Variants in SPOCK2 observed in about 807,000 individuals in gnomAD.
The protein encoded by SPOCK2 is testican-2.
A neutral mutation model predicts 60.1 loss-of-function variants in SPOCK2; 39 were observed. That is an observed-to-expected ratio of 0.65 (90% CI 0.50 to 0.85). SPOCK2 has a LOEUF of 0.85. Ranked by LOEUF, SPOCK2 falls within the 40% of genes least tolerant of loss-of-function variation. The probability of loss-of-function intolerance (pLI) is 0.00; values close to 1 mark genes in which losing one functional copy is unlikely to be tolerated. For missense variants in SPOCK2, 523 were observed against 567.4 expected (o/e 0.92, Z 0.80); for synonymous variants, 217 against 231.5 (o/e 0.94, Z 0.57).
intron 6 of SPOCK2, 76 bp from the exon 7 acceptor site, chr10:72,067,808 C>T (rs1025965027): frequency 3.9e-5 from 60 of 1,556,622 alleles, no homozygotes; most frequent in Non-Finnish European, 3.3e-5. Flanking sequence ...GGGATCCTGC[C>T]CTACAGGCCA....
At chr10:72,076,159 C>T (rs1763431529) in intron 1 of SPOCK2, among the ~76,000 whole-genome samples, 1 of 152,026 alleles carries the variant, frequency 6.6e-6, no homozygotes, top group Admixed American at 6.5e-5. Flanking sequence ...CGAGGAGAGT[C>T]CCCTAGGAGG....
chr10:72,077,748 G>A (rs1235477967), intron 1 of SPOCK2, among the ~76,000 whole-genome samples: 1 of 152,170 alleles, frequency 6.6e-6, no homozygotes. Context: ...GGAGAACCCA[G>A]GCTCCTGCTT....
At chr10:72,077,371 C>T (rs766204888) in intron 1 of SPOCK2, among the ~76,000 whole-genome samples, 5 of 152,144 alleles carry the variant, frequency 3.3e-5, no homozygotes, top group Non-Finnish European at 5.9e-5. Context: ...CTCAAGTGAT[C>T]CTCCTCCCTC....
At chr10:72,067,160 T>G (rs1321672848) in intron 7 of SPOCK2, 40 bp from the exon 8 acceptor site, 1 of 1,567,106 alleles carries the variant, frequency 6.4e-7, no homozygotes, top group Non-Finnish European at 8.7e-7. Flanking sequence ...CATCTGGCTA[T>G]TCAGCCGTTT....
chr10:72,072,687 A>C (rs1589121497), intron 2 of SPOCK2, 139 bp from the exon 3 acceptor site: 1 of 1,394,474 alleles, frequency 7.2e-7, no homozygotes. Context: ...ACCCCTGTCC[A>C]CCCAGGCCCT....
chr10:72,069,973 G>C (rs1344958108), intron 5 of SPOCK2: 1 of 193,000 alleles, frequency 5.2e-6, no homozygotes. Flanking sequence ...TTGGATGCCA[G>C]AGCTCCTTCT....
Position 72,066,986 on chromosome 10 carries a change from T to A in SPOCK2, c.844A>T (p.Ile282Phe), listed in dbSNP as rs776337997. 4 of 1,614,094 alleles carry A rather than the reference T, an allele frequency of 2.5e-6. No homozygotes were observed. Among genetic ancestry groups the A allele is most frequent in the Non-Finnish European group, 3.4e-6 (4 of 1,180,046 alleles). ...TCACAGGAGTTGAAGAAGGGACGGA[T>A]GCAGACCTCGTACTTGTCCAGGTTG... The part of the protein sequence containing the change: ...AINLDKYEVC[I>F]RPFFNSCDTY... The change falls in exon 8 of 11, where the codon ATC (isoleucine) becomes TTC (phenylalanine). Residue 282 changes from isoleucine (I) to phenylalanine (F), a missense_variant. By Grantham distance (21) the Ile-to-Phe change is conservative. Transcript: ENST00000373109.
intron 1 of SPOCK2, chr10:72,086,473 G>A: frequency 9.4e-7 from 1 of 1,068,404 alleles, no homozygotes; most frequent in South Asian, 2.7e-5. Context: ...CATTTTGGCA[G>A]ATCAAACAGC....
At chr10:72,073,011 T>G in intron 1 of SPOCK2, 101 bp from the exon 2 acceptor site, 5 of 1,509,950 alleles carry the variant, frequency 3.3e-6, no homozygotes, top group Non-Finnish European at 4.5e-6. Context: ...GTTCCTGGGG[T>G]CCCCTGCCTC....
intron 9 of SPOCK2, 32 bp from the exon 10 acceptor site, chr10:72,063,194 C>T (rs1328288709): frequency 1.4e-5 from 21 of 1,552,694 alleles, no homozygotes; most frequent in Non-Finnish European, 1.8e-5. Flanking sequence ...AGGGTCAGAG[C>T]AGGGGCCCAG....
chr10:72,080,516 G>A (rs189450908), intron 1 of SPOCK2, among the ~76,000 whole-genome samples: 2 of 152,248 alleles, frequency 1.3e-5, no homozygotes, highest in East Asian at 1.9e-4. Context: ...GGGCCCAGTG[G>A]GGACACCTGG....
In SPOCK2 at chr10:72,088,264, G is replaced by A. The variant is rs759999161; in HGVS notation, c.65C>T (p.Ala22Val). The A allele has an allele frequency of 2.5e-6, 4 of 1,607,104 alleles. No individual in the cohort carries two copies. The highest frequency in any genetic ancestry group is 3.4e-6 in the Non-Finnish European group (4 of 1,178,094). Reference sequence around the variant, plus strand: ...CTTGAGCCCCTTGGCGTCGCCTTCGGCCAGGGCTGCCGCGGCCAGGAGCAG... The same window carrying A: ...CTTGAGCCCCTTGGCGTCGCCTTCGACCAGGGCTGCCGCGGCCAGGAGCAG... ...PLLLLAAAAL[A>V]EGDAKGLKEG... The change falls in exon 1 of 11, where the codon GCC becomes GTC. Residue 22 changes from alanine to valine, a missense_variant. Coordinates refer to ENST00000373109, the MANE Select transcript of SPOCK2 (RefSeq NM_001244950.2).
chr10:72,086,940 G>T (rs1385643755), intron 1 of SPOCK2: 5 of 1,551,680 alleles, frequency 3.2e-6, no homozygotes, highest in Non-Finnish European at 3.5e-6. Flanking sequence ...AGGAGAAAAC[G>T]GGAGAGGTCA....
intron 1 of SPOCK2, chr10:72,086,284 A>T: frequency 1.0e-6 from 1 of 988,936 alleles, no homozygotes; most frequent in Non-Finnish European, 1.2e-6. Flanking sequence ...GGTTGGCACC[A>T]ATACAGAGAG....
At chr10:72,070,706 G>A (rs541251645) in intron 4 of SPOCK2, among the ~76,000 whole-genome samples, 6 of 152,258 alleles carry the variant, frequency 3.9e-5, no homozygotes, top group African/African-American at 1.4e-4. Context: ...CAGGTCTGAA[G>A]GCCAGAGGTA....
At chr10:72,069,937 A>G (rs192743214) in intron 5 of SPOCK2, 57 of 173,128 alleles carry the variant, frequency 3.3e-4, no homozygotes, top group African/African-American at 1.1e-3. Flanking sequence ...CCCTGTGGAA[A>G]TCCTCCTTTC....
chr10:72,072,265 G>A lies in SPOCK2; in HGVS notation c.245-7C>T. 2.6e-6 allele frequency: 4 copies of A among 1,517,300 alleles called. No homozygotes were observed. The highest frequency in any genetic ancestry group is 3.5e-6 in the Non-Finnish European group (4 of 1,133,442). 94.0% of individuals were successfully genotyped at this position (1,517,300 alleles called of 1,614,324 possible). ...TCCTTGGTGGTATCCAGGGCTGCAG[G>A]GGCACAGAGTCAGGACACAGGTCAC... On this transcript the variant is annotated splice_region_variant and splice_polypyrimidine_tract_variant and intron_variant, in intron 3 of 10. Transcript: ENST00000373109.
In SPOCK2 at chr10:72,073,181, G is replaced by C. The variant is rs538968831; in HGVS notation, c.190-271C>G. ...TGAGAGGGTGGGGCACCCCCACTCC[G>C]TTCCCAGTCCAGCCCCAGCCCCACC... On this transcript the variant is annotated intron_variant, in intron 1 of 10. Coordinates refer to ENST00000373109, the MANE Select transcript of SPOCK2 (RefSeq NM_001244950.2). Among the ~76,000 whole-genome samples the C allele has an allele frequency of 4.6e-5, 7 of 152,300 alleles. No individual in the cohort carries two copies. In the South Asian group the frequency reaches 1.2e-3, roughly 27 times the overall value.
At chr10:72,073,020 T>A in intron 1 of SPOCK2, 110 bp from the exon 2 acceptor site, 1 of 1,473,990 alleles carries the variant, frequency 6.8e-7, no homozygotes, top group Non-Finnish European at 9.3e-7. Flanking sequence ...GTCCCCTGCC[T>A]CATCATGTGG....
Sources: allele counts gnomAD v4.1 joint callset (sites outside exome capture counted in the v4.1 genomes callset), GRCh38; gene constraint gnomAD v4.1.1; transcripts MANE v1.5; gene names NCBI Gene and HGNC (gene_info 2026-07-23, HGNC 2026-07-21).